Variants in LIN54 observed in about 807,000 individuals in gnomAD.
The protein encoded by LIN54 is lin-54 DREAM MuvB core complex component.
LIN54 carries 9 observed loss-of-function variants against 78.7 expected under a neutral mutation model. The observed-to-expected ratio is 0.11, with a 90% CI of 0.07 to 0.20. The LOEUF (loss-of-function observed/expected upper bound fraction) is 0.20, where lower values mean the gene tolerates loss of function less well. Among genes scored for constraint, LIN54 ranks in the 10% least tolerant of loss-of-function variants. The pLI is 1.00. For missense variants in LIN54, 573 were observed against 889.9 expected (o/e 0.64, Z 4.53); for synonymous variants, 269 against 318.4 (o/e 0.84, Z 1.65).
At chr4:82,945,390 G>A (rs991829307) in intron 5 of LIN54, among the ~76,000 whole-genome samples, 5 of 152,166 alleles carry the variant, frequency 3.3e-5, no homozygotes, top group Non-Finnish European at 7.3e-5. Context: ...GTCTATGGAT[G>A]TATATCAGGT....
At chr4:82,943,616 A>T (rs778580603) in intron 5 of LIN54, among the ~76,000 whole-genome samples, 1 of 152,174 alleles carries the variant, frequency 6.6e-6, no homozygotes, top group Non-Finnish European at 1.5e-5. Flanking sequence ...ATAGATGGAT[A>T]TAAGGGAAAT....
At chr4:83,010,889 CG>C, upstream of LIN54, 1 of 1,135,770 alleles carries the variant, frequency 8.8e-7, no homozygotes, top group Non-Finnish European at 1.1e-6. Context: ...CCCACATATC[CG>C]GGGAAGCCTC....
At chr4:82,930,841 G>T in intron 12 of LIN54, 102 bp downstream of exon 12, 1 of 1,049,704 alleles carries the variant, frequency 9.5e-7, no homozygotes, top group Non-Finnish European at 1.4e-6. Flanking sequence ...CAAAAATCAG[G>T]TTTGCAACAA....
chr4:82,962,386 G>A (rs576736467), intron 4 of LIN54, among the ~76,000 whole-genome samples: 1 of 152,254 alleles, frequency 6.6e-6, no homozygotes, highest in Non-Finnish European at 1.5e-5. Flanking sequence ...ATAGAATATG[G>A]TTTCTCTACT....
At chr4:82,961,853 G>C (rs1724824004) in intron 4 of LIN54, among the ~76,000 whole-genome samples, 1 of 152,004 alleles carries the variant, frequency 6.6e-6, no homozygotes, top group African/African-American at 2.4e-5. Flanking sequence ...CTACTTGGGA[G>C]GCTGAGGCAG....
chr4:82,946,558 TA>T (rs1259717805), intron 4 of LIN54, 84 bp from the exon 5 acceptor site: 1 of 1,053,968 alleles, frequency 9.5e-7, no homozygotes, highest in African/African-American at 1.6e-5. Context: ...GCTCAAGTTG[TA>T]AAGTATGCTC....
Position 82,984,318 on chromosome 4 carries a change from G to A in LIN54, c.527C>T (p.Ala176Val). ...KVTTQAQSGD[A>V]KLPPQQIKVV... ...TTTAATTTGCTGCGGTGGTAACTTAGCATCTCCTGACTGGGCCTGAGTTGT... is the reference window on the plus strand; with the variant it reads ...TTTAATTTGCTGCGGTGGTAACTTAACATCTCCTGACTGGGCCTGAGTTGT... Residue 176 changes from alanine to valine, a missense_variant, in exon 2 of 13, where the codon GCT becomes GTT. By Grantham distance (64) the Ala-to-Val change is moderately conservative (BLOSUM62 0). Transcript: ENST00000340417. 2 of 1,614,098 alleles carry A rather than the reference G, an allele frequency of 1.2e-6. No individual in the cohort carries two copies. Among genetic ancestry groups the A allele is most frequent in the Non-Finnish European group, 8.5e-7 (1 of 1,180,016 alleles).
chr4:82,998,343 G>C (rs1307709460), intron 1 of LIN54, among the ~76,000 whole-genome samples: 3 of 151,968 alleles, frequency 2.0e-5, no homozygotes, highest in Admixed American at 2.0e-4. Context: ...AGGAGTTCAA[G>C]AACGGCCTGG....
At chr4:82,990,608 T>A (rs1263010072) in intron 1 of LIN54, among the ~76,000 whole-genome samples, 1 of 151,946 alleles carries the variant, frequency 6.6e-6, no homozygotes, top group Admixed American at 6.6e-5. Context: ...CTCAGCCTCC[T>A]GAGTAGCTGG....
chr4:82,963,255 T>A (rs1463962973), intron 4 of LIN54, among the ~76,000 whole-genome samples: 1 of 152,164 alleles, frequency 6.6e-6, no homozygotes, highest in Non-Finnish European at 1.5e-5. Context: ...AAATATCTTT[T>A]AAAAATAATG....
At chr4:82,938,208 G>A (rs192118446) in intron 8 of LIN54, among the ~76,000 whole-genome samples, 55 of 152,186 alleles carry the variant, frequency 3.6e-4, no homozygotes, top group Non-Finnish European at 6.9e-4. Flanking sequence ...CTAGTGTAGT[G>A]AAATTGGTGA....
Position 82,984,549 on chromosome 4 carries a change from A to T in LIN54, c.296T>A (p.Leu99His). The change falls in exon 2 of 13, where the codon CTT becomes CAT. Residue 99 changes from leucine to histidine, a missense_variant. Transcript: ENST00000340417. Reference sequence around the variant, plus strand: ...AGGAGTCTGAGCACCAAGTTTTTGAAGGCCACTTGGAAAAGCTGGTTTCAC... The same window carrying T: ...AGGAGTCTGAGCACCAAGTTTTTGATGGCCACTTGGAAAAGCTGGTTTCAC... Reference protein sequence around the residue: ...TTVKPAFPSGLQKLGAQTPVT... With the variant: ...TTVKPAFPSGHQKLGAQTPVT... The T allele has an allele frequency of 6.2e-7, 1 of 1,614,224 alleles. No individual in the cohort carries two copies. The highest frequency in any genetic ancestry group is 8.5e-7 in the Non-Finnish European group (1 of 1,180,038).
At chr4:82,989,679 T>C (rs1727495655) in intron 1 of LIN54, among the ~76,000 whole-genome samples, 1 of 152,186 alleles carries the variant, frequency 6.6e-6, no homozygotes, top group African/African-American at 2.4e-5. Context: ...TCTTTCTCTT[T>C]AAAGCACCTG....
chr4:82,970,004 C>A (rs976300445), intron 4 of LIN54, among the ~76,000 whole-genome samples: 1 of 152,114 alleles, frequency 6.6e-6, no homozygotes, highest in Non-Finnish European at 1.5e-5. Context: ...GTACCTTCCA[C>A]AAATACAATA....
chr4:82,950,290 C>T (rs141651767), intron 4 of LIN54, among the ~76,000 whole-genome samples: 4 of 152,102 alleles, frequency 2.6e-5, no homozygotes, highest in Admixed American at 2.6e-4. Flanking sequence ...CTTCCATCAC[C>T]CCAATCTCCC....
At chr4:82,988,768 A>G (rs1395262884) in intron 1 of LIN54, among the ~76,000 whole-genome samples, 1 of 152,146 alleles carries the variant, frequency 6.6e-6, no homozygotes, top group East Asian at 1.9e-4. Flanking sequence ...ATGTGAAGTG[A>G]TATCTCATTG....
chr4:83,004,749 T>C (rs553923541), intron 1 of LIN54, among the ~76,000 whole-genome samples: 1 of 152,284 alleles, frequency 6.6e-6, no homozygotes, highest in Admixed American at 6.5e-5. Context: ...TCCTGCCACC[T>C]TGGCCTCCCA....
upstream of LIN54, chr4:83,011,979 G>GGTTGAA: frequency 1.0e-6 from 1 of 967,698 alleles, no homozygotes; most frequent in Non-Finnish European, 1.2e-6. Flanking sequence ...GGAAGAGTAA[G>GGTTGAA]GTTGAAGTTG....
intron 1 of LIN54, among the ~76,000 whole-genome samples, chr4:83,001,376 C>T (rs1728754177): frequency 6.8e-6 from 1 of 147,138 alleles, no homozygotes; most frequent in South Asian, 2.3e-4. Context: ...CTAGTGAGAT[C>T]CCATCTCTAC....
Sources: allele counts gnomAD v4.1 joint callset (sites outside exome capture counted in the v4.1 genomes callset), GRCh38; gene constraint gnomAD v4.1.1; transcripts MANE v1.5; gene names NCBI Gene and HGNC (gene_info 2026-07-23, HGNC 2026-07-21).